The following IMMT variants were observed in gnomAD, a reference collection of about 807,000 sequenced individuals.
The protein encoded by IMMT is inner membrane mitochondrial protein, also known as MICOS complex subunit MIC60.
Under a neutral mutation model 92.7 loss-of-function variants are expected in IMMT, and 40 were observed. The ratio of observed to expected loss-of-function variants is 0.43; its 90% CI spans 0.34 to 0.56. The LOEUF is 0.56. Ranked by LOEUF, IMMT falls within the 20% of genes least tolerant of loss-of-function variation. The pLI, the probability that IMMT is intolerant of heterozygous loss-of-function variation, is 0.03. For missense variants in IMMT, 831 were observed against 912.1 expected (o/e 0.91, Z 1.14); for synonymous variants, 322 against 336.1 (o/e 0.96, Z 0.46).
At chr2:86,159,784 G>A in intron 8 of IMMT, 113 bp from the exon 9 acceptor site, 1 of 888,020 alleles carries the variant, frequency 1.1e-6, no homozygotes, top group Non-Finnish European at 1.6e-6. Flanking sequence ...GCTGGGAGCA[G>A]TGGCTGATAC....
At chr2:86,155,937 T>C (rs1037004613) in intron 10 of IMMT, among the ~76,000 whole-genome samples, 2 of 152,284 alleles carry the variant, frequency 1.3e-5, no homozygotes, top group South Asian at 2.1e-4. Flanking sequence ...TTTGTACCTT[T>C]CAAATTTTGT....
intron 7 of IMMT, among the ~76,000 whole-genome samples, chr2:86,164,052 ATTTTTTTTTTTT>A (rs540613367): frequency 3.2e-5 from 2 of 63,030 alleles, no homozygotes; most frequent in East Asian, 4.3e-4. Context: ...CACTTTAGTC[ATTTTTTTTTTTT>A]TTTTTTTTTT....
At chr2:86,192,364 T>G (rs1413257761) in intron 1 of IMMT, among the ~76,000 whole-genome samples, 1 of 152,032 alleles carries the variant, frequency 6.6e-6, no homozygotes, top group African/African-American at 2.4e-5. Flanking sequence ...AAATTCCACT[T>G]TGGGAGGCCG....
intron 1 of IMMT, among the ~76,000 whole-genome samples, chr2:86,185,373 A>T (rs1271293577): frequency 1.3e-5 from 2 of 152,218 alleles, no homozygotes; most frequent in East Asian, 3.8e-4. Flanking sequence ...GTTTTCAAAT[A>T]GATTCTCAAA....
chr2:86,172,070 A>G (rs780581845), intron 4 of IMMT, among the ~76,000 whole-genome samples: 2 of 150,468 alleles, frequency 1.3e-5, no homozygotes, highest in Admixed American at 1.3e-4. Context: ...GGAACAAGCA[A>G]TACTCCCACC....
chr2:86,147,649 C>G (rs1675121838), intron 13 of IMMT, 53 bp downstream of exon 13: 3 of 1,560,274 alleles, frequency 1.9e-6, no homozygotes, highest in Middle Eastern at 1.8e-4. Flanking sequence ...AAAGGAGAGT[C>G]TCTTAATCCT....
chr2:86,166,585 T>G lies in IMMT; in HGVS notation c.715A>C (p.Ile239Leu), dbSNP rs537862920. ...TGGACCGCAGCATTCTGAGCTGCAA[T>G]AGCCTGCAGAGTGACACTTGCAGTT... is the stretch of plus-strand genomic sequence containing the variant. ...RQTASVTLQA[I>L]AAQNAAVQAV... The change falls in exon 7 of 15, where the codon ATT (isoleucine) becomes CTT (leucine). Residue 239 changes from isoleucine (I) to leucine (L), a missense_variant. By Grantham distance (5) the Ile-to-Leu change is conservative. Coordinates refer to ENST00000410111, the MANE Select transcript of IMMT (RefSeq NM_006839.3). 1 of 1,613,278 alleles carries G rather than the reference T, an allele frequency of 6.2e-7. No individual in the cohort carries two copies. Among genetic ancestry groups the G allele is most frequent in the Non-Finnish European group, 8.5e-7 (1 of 1,179,708 alleles).
At chr2:86,172,059 AG>A (rs1234025618) in intron 4 of IMMT, among the ~76,000 whole-genome samples, 1 of 147,858 alleles carries the variant, frequency 6.8e-6, no homozygotes, top group Non-Finnish European at 1.5e-5. Context: ...TCGACCTCCC[AG>A]GAACAAGCAA....
chr2:86,182,500 T>G (rs949744932), intron 1 of IMMT, among the ~76,000 whole-genome samples: 14 of 152,134 alleles, frequency 9.2e-5, no homozygotes, highest in African/African-American at 3.4e-4. Flanking sequence ...AAATCAGATG[T>G]TTTAAAATAT....
intron 9 of IMMT, 89 bp downstream of exon 9, chr2:86,159,447 G>T: frequency 9.5e-7 from 1 of 1,055,768 alleles, no homozygotes; most frequent in Non-Finnish European, 1.4e-6. Context: ...CGGGGAGATG[G>T]TAGGAATTTG....
chr2:86,179,647 AT>A (rs1677691761), intron 2 of IMMT, 25 bp from the exon 3 acceptor site: 1 of 1,554,760 alleles, frequency 6.4e-7, no homozygotes, highest in South Asian at 1.2e-5. Flanking sequence ...CAGGAAATAC[AT>A]TTATATTTCT....
At chr2:86,148,738 A>C (rs183146181) in intron 12 of IMMT, among the ~76,000 whole-genome samples, 26 of 152,332 alleles carry the variant, frequency 1.7e-4, no homozygotes, top group African/African-American at 4.3e-4. Context: ...GCCAAAAAAA[A>C]CCAAAAAATA....
intron 4 of IMMT, chr2:86,171,641 A>G (rs1677090920): frequency 3.7e-6 from 1 of 273,282 alleles, no homozygotes; most frequent in Non-Finnish European, 7.1e-6. Context: ...ATTAACACAC[A>G]AGAAGGGGAC....
intron 8 of IMMT, among the ~76,000 whole-genome samples, chr2:86,161,621 C>G (rs1372604249): frequency 1.3e-5 from 2 of 148,158 alleles, no homozygotes; most frequent in Non-Finnish European, 3.0e-5. Context: ...TGAGGTGATT[C>G]TCCTGCCTCA....
At chr2:86,191,641 C>T (rs555525185) in intron 1 of IMMT, among the ~76,000 whole-genome samples, 9 of 151,986 alleles carry the variant, frequency 5.9e-5, no homozygotes, top group South Asian at 2.1e-4. Context: ...CGGTGGCTCA[C>T]GCCTGTAATC....
At chr2:86,169,889 A>AAAAC (rs1334682396) in intron 6 of IMMT, among the ~76,000 whole-genome samples, 1 of 151,618 alleles carries the variant, frequency 6.6e-6, no homozygotes, top group Non-Finnish European at 1.5e-5. Context: ...CCATCTCTTA[A>AAAAC]AAACAAACAA....
At chr2:86,187,197 G>A (rs532518235) in intron 1 of IMMT, among the ~76,000 whole-genome samples, 1 of 152,206 alleles carries the variant, frequency 6.6e-6, no homozygotes, top group Admixed American at 6.5e-5. Context: ...TATCCATTAA[G>A]CAGTCATCCC....
chr2:86,157,492 AAC>A (rs1675931208), intron 10 of IMMT, among the ~76,000 whole-genome samples: 1 of 152,140 alleles, frequency 6.6e-6, no homozygotes, highest in Non-Finnish European at 1.5e-5. Flanking sequence ...CTAGCATTTA[AAC>A]AGTGTTTTGA....
chr2:86,173,991 A>C (rs950645640), intron 3 of IMMT, among the ~76,000 whole-genome samples: 2 of 152,204 alleles, frequency 1.3e-5, no homozygotes, highest in African/African-American at 2.4e-5. Context: ...ATAGTAACAA[A>C]GGTTTCTATT....
Sources: gnomAD v4.1 joint callset for allele counts (sites outside exome capture counted in the v4.1 genomes callset) on GRCh38, gnomAD v4.1.1 for gene constraint, MANE v1.5 for transcripts, NCBI Gene and HGNC (gene_info 2026-07-23, HGNC 2026-07-21) for gene names.